Variants in NKAIN3 observed in about 807,000 individuals in gnomAD.
The protein encoded by NKAIN3 is sodium/potassium transporting ATPase interacting 3, also known as sodium/potassium-transporting ATPase subunit beta-1-interacting protein 3.
Under a neutral mutation model 30.2 loss-of-function variants are expected in NKAIN3, and 25 were observed. The observed-to-expected ratio is 0.83, with a 90% CI of 0.60 to 1.16. The LOEUF is 1.16. Among genes scored for constraint, NKAIN3 ranks in the 50% most tolerant of loss-of-function variants. The pLI is 0.00. For synonymous variants in NKAIN3, 91 were observed against 89.6 expected (o/e 1.02, Z -0.09); for missense variants, 225 against 254.1 (o/e 0.89, Z 0.78).
chr8:62,576,964 C>G (rs1356324006), intron 1 of NKAIN3, among the ~76,000 whole-genome samples: 1 of 151,768 alleles, frequency 6.6e-6, no homozygotes, highest in Non-Finnish European at 1.5e-5. Flanking sequence ...AAAATATTAG[C>G]CAGTAAACAA....
At chr8:62,755,808 TTA>T (rs1469773176) in intron 4 of NKAIN3, among the ~76,000 whole-genome samples, 1 of 152,156 alleles carries the variant, frequency 6.6e-6, no homozygotes, top group East Asian at 1.9e-4. Flanking sequence ...AAGCAACAGT[TTA>T]TCTAAAGTTC....
chr8:62,257,835 T>A (rs1812309310), intron 1 of NKAIN3, among the ~76,000 whole-genome samples: 1 of 152,192 alleles, frequency 6.6e-6, no homozygotes, highest in South Asian at 2.1e-4. Context: ...GAATTGCTTT[T>A]GTTTTTTTCA....
chr8:62,566,681 A>G (rs1054753166), intron 1 of NKAIN3, among the ~76,000 whole-genome samples: 7 of 152,006 alleles, frequency 4.6e-5, no homozygotes, highest in African/African-American at 1.2e-4. Context: ...AAAACATACC[A>G]TACTCTGGAC....
At chr8:62,884,012 T>C (rs905051194) in intron 4 of NKAIN3, among the ~76,000 whole-genome samples, 2 of 152,290 alleles carry the variant, frequency 1.3e-5, no homozygotes, top group African/African-American at 4.8e-5. Context: ...ATTACATTAG[T>C]TGATATTAGA....
intron 1 of NKAIN3, among the ~76,000 whole-genome samples, chr8:62,461,090 A>G (rs1204498164): frequency 6.6e-6 from 1 of 152,210 alleles, no homozygotes; most frequent in Non-Finnish European, 1.5e-5. Flanking sequence ...GGCTCTGCAG[A>G]AACAGGAAGT....
intron 1 of NKAIN3, among the ~76,000 whole-genome samples, chr8:62,526,789 CT>C (rs1808316128): frequency 6.6e-6 from 1 of 152,116 alleles, no homozygotes; most frequent in Admixed American, 6.5e-5. Context: ...GCACTGTCCC[CT>C]GATCATCTCT....
At chr8:62,387,156 A>C (rs2129594328) in intron 1 of NKAIN3, among the ~76,000 whole-genome samples, 1 of 152,270 alleles carries the variant, frequency 6.6e-6, no homozygotes, top group East Asian at 1.9e-4. Context: ...TCCTGTAGTA[A>C]ATAAGGGAGT....
intron 1 of NKAIN3, among the ~76,000 whole-genome samples, chr8:62,396,651 A>G (rs1817776485): frequency 6.6e-6 from 1 of 152,202 alleles, no homozygotes; most frequent in Non-Finnish European, 1.5e-5. Context: ...TAATAACCTG[A>G]TAATTTTAGC....
At chr8:62,471,723 G>A (rs1239133980) in intron 1 of NKAIN3, among the ~76,000 whole-genome samples, 1 of 152,126 alleles carries the variant, frequency 6.6e-6, no homozygotes, top group East Asian at 1.9e-4. Context: ...GGGAGGCCAA[G>A]GAGGGAGGAT....
chr8:62,758,207 A>T (rs1386822726), intron 4 of NKAIN3, among the ~76,000 whole-genome samples: 1 of 152,178 alleles, frequency 6.6e-6, no homozygotes, highest in Non-Finnish European at 1.5e-5. Context: ...CTCACGGAAA[A>T]CAAAGTGAGA....
intron 1 of NKAIN3, among the ~76,000 whole-genome samples, chr8:62,293,005 C>T (rs1813701652): frequency 6.6e-6 from 1 of 152,140 alleles, no homozygotes; most frequent in East Asian, 1.9e-4. Flanking sequence ...GATACCCTTT[C>T]TTCCACTTGA....
At chr8:62,556,970 G>A (rs1156395898) in intron 1 of NKAIN3, among the ~76,000 whole-genome samples, 2 of 151,904 alleles carry the variant, frequency 1.3e-5, no homozygotes, top group African/African-American at 4.8e-5. Flanking sequence ...GGTTATTGAG[G>A]AACAGTTCGT....
intron 4 of NKAIN3, among the ~76,000 whole-genome samples, chr8:62,873,986 G>A (rs1820720923): frequency 6.6e-6 from 1 of 151,738 alleles, no homozygotes; most frequent in South Asian, 2.1e-4. Flanking sequence ...ACTAAGATCA[G>A]AGAAGAATTG....
intron 1 of NKAIN3, among the ~76,000 whole-genome samples, chr8:62,295,510 T>G (rs769498846): frequency 5.9e-5 from 9 of 152,206 alleles, no homozygotes; most frequent in Non-Finnish European, 1.3e-4. Flanking sequence ...ATAACAATTG[T>G]TGAGCTTCAG....
At chr8:62,781,694 A>C (rs1817357855) in intron 4 of NKAIN3, among the ~76,000 whole-genome samples, 1 of 151,938 alleles carries the variant, frequency 6.6e-6, no homozygotes, top group East Asian at 1.9e-4. Flanking sequence ...CCGTCTTCAA[A>C]AAAAAAGAAA....
At chr8:62,851,765 T>A (rs905287632) in intron 4 of NKAIN3, among the ~76,000 whole-genome samples, 1 of 152,232 alleles carries the variant, frequency 6.6e-6, no homozygotes, top group African/African-American at 2.4e-5. Flanking sequence ...CATTTATTGT[T>A]TTGCATATGT....
intron 3 of NKAIN3, among the ~76,000 whole-genome samples, chr8:62,640,677 C>T (rs1812280062): frequency 6.6e-6 from 1 of 152,024 alleles, no homozygotes; most frequent in Non-Finnish European, 1.5e-5. Flanking sequence ...GCTCTTTTTC[C>T]TCTGCGCGCA....
At chr8:62,483,013 C>T (rs768689968) in intron 1 of NKAIN3, 14 of 152,106 alleles carry the variant, frequency 9.2e-5, no homozygotes, top group African/African-American at 2.2e-4. Context: ...GAGAAGAAAA[C>T]CCACCAGAGA....
chr8:62,862,929 GAC>G (rs1820297662), intron 4 of NKAIN3, among the ~76,000 whole-genome samples: 1 of 152,192 alleles, frequency 6.6e-6, no homozygotes, highest in Admixed American at 6.5e-5. Context: ...GGAGTGATAA[GAC>G]ACAGTTTTCA....
Sources: allele counts gnomAD v4.1 joint callset (sites outside exome capture counted in the v4.1 genomes callset), GRCh38; gene constraint gnomAD v4.1.1; transcripts MANE v1.5; gene names NCBI Gene and HGNC (gene_info 2026-07-23, HGNC 2026-07-21).